The following OPRM1 variants were observed in gnomAD, a reference collection of about 807,000 sequenced individuals.
OPRM1 encodes the protein mu-type opioid receptor.
Under a neutral mutation model 31.8 loss-of-function variants are expected in OPRM1, and 27 were observed. The ratio of observed to expected loss-of-function variants is 0.85; its 90% confidence interval spans 0.63 to 1.17. The LOEUF (loss-of-function observed/expected upper bound fraction) is 1.17. OPRM1 is among the 50% of genes most tolerant of loss of function. OPRM1 has a pLI of 0.00. For missense variants in OPRM1, 536 were observed against 511.1 expected (o/e 1.05, Z -0.47); for synonymous variants, 196 against 189.9 (o/e 1.03, Z -0.26).
At chr6:154,149,226 A>G (rs1798433429) in intron 3 of OPRM1, among the ~76,000 whole-genome samples, 1 of 152,152 alleles carries the variant, frequency 6.6e-6, no homozygotes, top group Non-Finnish European at 1.5e-5. Flanking sequence ...AAGGGGAAGA[A>G]AACACATCCT....
intron 1 of OPRM1, among the ~76,000 whole-genome samples, chr6:154,076,251 C>T (rs1787866460): frequency 6.6e-6 from 1 of 152,098 alleles, no homozygotes; most frequent in African/African-American, 2.4e-5. Context: ...TGTACAAACA[C>T]ACCCACCACA....
chr6:154,212,842 T>C, intron 3 of OPRM1: 1 of 1,611,652 alleles, frequency 6.2e-7, no homozygotes, highest in South Asian at 1.1e-5. Flanking sequence ...CCTGTTCACT[T>C]TCACTGTAAC....
At chr6:154,217,030 T>A in intron 3 of OPRM1, 1 of 159,014 alleles carries the variant, frequency 6.3e-6, no homozygotes, top group Non-Finnish European at 1.4e-5. Context: ...TGAAATTCCC[T>A]AGGCTATCAA....
intron 1 of OPRM1, among the ~76,000 whole-genome samples, chr6:154,081,008 G>A (rs980492337): frequency 5.9e-5 from 9 of 152,048 alleles, no homozygotes; most frequent in African/African-American, 1.4e-4. Context: ...TGATTATTGC[G>A]TTGTTCTCAT....
In OPRM1 at chr6:154,039,487, A is replaced by C; in HGVS notation, c.-58A>C. On this transcript the variant is annotated 5_prime_UTR_variant, in exon 1 of 4. Coordinates refer to ENST00000330432, the MANE Select transcript of OPRM1 (RefSeq NM_000914.5). Reference sequence around the variant, plus strand: ...AAGCGGCTGAGGCGCTTGGAACCCGAAAAGTCTCGGTGCTCCTGGCTACCT... The same window carrying C: ...AAGCGGCTGAGGCGCTTGGAACCCGCAAAGTCTCGGTGCTCCTGGCTACCT... 1.9e-6 allele frequency: 3 copies of C among 1,564,340 alleles called. 1 individual carries two copies. Among genetic ancestry groups the C allele is most frequent in the Non-Finnish European group, 2.6e-6 (3 of 1,154,140 alleles).
At chr6:154,146,347 CT>C (rs1169352912) in intron 3 of OPRM1, among the ~76,000 whole-genome samples, 14 of 152,208 alleles carry the variant, frequency 9.2e-5, no homozygotes, top group Admixed American at 8.5e-4. Context: ...TTGCAGTGAG[CT>C]GAGATCGTGC....
intron 3 of OPRM1, chr6:154,155,839 T>C (rs1278490043): frequency 1.3e-5 from 2 of 152,224 alleles, no homozygotes; most frequent in Non-Finnish European, 1.5e-5. Context: ...AATTTAAACA[T>C]GTCTTAAATT....
At chr6:154,099,861 A>G (rs1382807025) in intron 3 of OPRM1, among the ~76,000 whole-genome samples, 1 of 145,878 alleles carries the variant, frequency 6.9e-6, no homozygotes, top group Non-Finnish European at 1.5e-5. Context: ...TATATTATAT[A>G]TTATCATATG....
chr6:154,076,560 GTAA>G (rs1217302966), intron 1 of OPRM1, among the ~76,000 whole-genome samples: 41 of 152,230 alleles, frequency 2.7e-4, no homozygotes, highest in African/African-American at 9.6e-4. Flanking sequence ...GCTCACGCCT[GTAA>G]TCCCAGCACT....
At chr6:154,054,053 TCCTGGTGGTA>T (rs1355895444) in intron 1 of OPRM1, among the ~76,000 whole-genome samples, 8 of 151,970 alleles carry the variant, frequency 5.3e-5, no homozygotes, top group Non-Finnish European at 1.2e-4. Context: ...TGATTCTGAA[TCCTGGTGGTA>T]CCTTAGAATT....
At chr6:154,213,540 T>C (rs1778137635) in intron 3 of OPRM1, among the ~76,000 whole-genome samples, 1 of 152,218 alleles carries the variant, frequency 6.6e-6, no homozygotes. Context: ...TTTCCATTTC[T>C]AACTAACTCT....
At chr6:154,135,919 A>T (rs150613300), downstream of OPRM1, among the ~76,000 whole-genome samples, 327 of 152,394 alleles carry the variant, frequency 2.1e-3, no homozygotes, top group African/African-American at 7.5e-3. Context: ...AGCATTTCAT[A>T]TTTAATGTCC....
At chr6:154,136,576 C>G (rs1295403071), downstream of OPRM1, among the ~76,000 whole-genome samples, 5 of 152,172 alleles carry the variant, frequency 3.3e-5, no homozygotes, top group African/African-American at 1.2e-4. Context: ...ATCTCATGTT[C>G]CACCTAATCC....
At chr6:154,190,612 A>C (rs1801786614) in intron 3 of OPRM1, among the ~76,000 whole-genome samples, 1 of 152,238 alleles carries the variant, frequency 6.6e-6, no homozygotes, top group African/African-American at 2.4e-5. Context: ...TCTCTTATAC[A>C]GTTAAACATA....
intron 3 of OPRM1, chr6:154,156,674 T>A (rs905948161): frequency 1.4e-4 from 21 of 152,226 alleles, no homozygotes; most frequent in African/African-American, 4.8e-4. Context: ...TGTAATCCTA[T>A]ACTTTAGGAG....
chr6:154,039,512 T>G lies in OPRM1; in HGVS notation c.-33T>G. 6.3e-7 allele frequency: 1 copy of G among 1,588,794 alleles called. No homozygotes were observed. The highest frequency in any genetic ancestry group is 8.6e-7 in the Non-Finnish European group (1 of 1,167,666). On this transcript the variant is annotated 5_prime_UTR_variant, in exon 1 of 4. Transcript: ENST00000330432. ...AAAAGTCTCGGTGCTCCTGGCTACC[T>G]CGCACAGCGGTGCCCGCCCGGCCGT... is the stretch of plus-strand genomic sequence containing the variant.
chr6:154,116,338 C>T (rs542984517), intron 3 of OPRM1, among the ~76,000 whole-genome samples: 18 of 152,146 alleles, frequency 1.2e-4, no homozygotes, highest in African/African-American at 3.9e-4. Context: ...TGTAATCCCA[C>T]CATTTTGAAG....
chr6:154,113,924 G>T (rs1266734583), intron 3 of OPRM1, among the ~76,000 whole-genome samples: 2 of 152,150 alleles, frequency 1.3e-5, no homozygotes, highest in Non-Finnish European at 2.9e-5. Context: ...TTTCCCCAAT[G>T]AAGTGGCGAG....
intron 3 of OPRM1, among the ~76,000 whole-genome samples, chr6:154,218,878 T>G (rs1191996148): frequency 6.6e-6 from 1 of 152,210 alleles, no homozygotes; most frequent in African/African-American, 2.4e-5. Context: ...TTGCATCTTC[T>G]TTGTAAGCTG....
Sources: allele counts gnomAD v4.1 joint callset (sites outside exome capture counted in the v4.1 genomes callset), GRCh38; gene constraint gnomAD v4.1.1; transcripts MANE v1.5; gene names NCBI Gene and HGNC (gene_info 2026-07-23, HGNC 2026-07-21).